The following FAM174A variants were observed in gnomAD, a reference collection of about 807,000 sequenced individuals.
The protein encoded by FAM174A is family with sequence similarity 174 member A, also known as membrane protein FAM174A.
Under a neutral mutation model 14.3 loss-of-function variants are expected in FAM174A, and 14 were observed. That is an observed-to-expected ratio of 0.98 (90% CI 0.65 to 1.53). FAM174A has a LOEUF of 1.53. FAM174A is among the 40% of genes most tolerant of loss of function. The pLI is 0.00. For missense variants in FAM174A, 241 were observed against 249.6 expected, an observed-to-expected ratio of 0.97 and a Z score of 0.23; for synonymous variants, 108 against 111.4, an observed-to-expected ratio of 0.97 and a Z score of 0.19.
intron 2 of FAM174A, among the ~76,000 whole-genome samples, chr5:100,566,141 G>GATATATATATATATATATATATATAT (rs60895683): frequency 1.2e-5 from 1 of 81,810 alleles, no homozygotes; most frequent in African/African-American, 4.1e-5. Context: ...TGAAAAGTAT[G>GATATATATATATATATATATATATAT]ATATATATAT....
intron 2 of FAM174A, among the ~76,000 whole-genome samples, chr5:100,571,881 A>G (rs1013594766): frequency 6.6e-6 from 1 of 151,840 alleles, no homozygotes; most frequent in Admixed American, 6.6e-5. Flanking sequence ...TCTGATGGCT[A>G]TAGTTACATG....
At chr5:100,571,778 T>G (rs1746786683) in intron 2 of FAM174A, among the ~76,000 whole-genome samples, 1 of 151,262 alleles carries the variant, frequency 6.6e-6, no homozygotes, top group Non-Finnish European at 1.5e-5. Context: ...CTGTTGTTAT[T>G]GTGATCAGTA....
rs1447517180 is a variant in FAM174A at position 100,535,965 on chromosome 5, G to A, written c.434+1G>A. The A allele has an allele frequency of 6.4e-7, 1 of 1,568,830 alleles. No individual in the cohort carries two copies. The highest frequency in any genetic ancestry group is 1.3e-5 in the African/African-American group (1 of 74,082). On this transcript the variant is annotated splice_donor_variant, in intron 1 of 2. Coordinates refer to ENST00000312637, the MANE Select transcript of FAM174A (RefSeq NM_198507.3). LOFTEE classifies it high-confidence loss of function. ...TGTACTTCGTGGTCAGGACGGTCAGGTGAGGCAAAGCCTCGGTGGGGCACC... is the reference window on the plus strand; with the variant it reads ...TGTACTTCGTGGTCAGGACGGTCAGATGAGGCAAAGCCTCGGTGGGGCACC...
intron 2 of FAM174A, among the ~76,000 whole-genome samples, chr5:100,562,955 A>C (rs969617444): frequency 6.6e-6 from 1 of 151,878 alleles, no homozygotes; most frequent in Non-Finnish European, 1.5e-5. Context: ...TGGGTGAAGG[A>C]GAATTAGAGT....
intron 2 of FAM174A, among the ~76,000 whole-genome samples, chr5:100,566,297 A>T (rs1746651222): frequency 6.6e-6 from 1 of 150,476 alleles, no homozygotes; most frequent in Non-Finnish European, 1.5e-5. Context: ...TATTTGAAAC[A>T]ATCCAAACAT....
At chr5:100,585,992 T>C (rs1291970328) in intron 2 of FAM174A, among the ~76,000 whole-genome samples, 189 bp from the exon 3 acceptor site, 1 of 152,210 alleles carries the variant, frequency 6.6e-6, no homozygotes, top group East Asian at 1.9e-4. Context: ...GAATTTCTGT[T>C]TAATAGATAA....
At chr5:100,576,413 T>G (rs1580377904) in intron 2 of FAM174A, among the ~76,000 whole-genome samples, 1 of 152,114 alleles carries the variant, frequency 6.6e-6, no homozygotes. Flanking sequence ...TTCCTATAAT[T>G]GCAACCAGAT....
intron 2 of FAM174A, among the ~76,000 whole-genome samples, chr5:100,566,800 C>A (rs1746662071): frequency 6.6e-6 from 1 of 151,812 alleles, no homozygotes; most frequent in Non-Finnish European, 1.5e-5. Flanking sequence ...CAGTTGTAAT[C>A]TATGCTAATC....
At chr5:100,544,157 T>C (rs1228882290) in intron 1 of FAM174A, among the ~76,000 whole-genome samples, 2 of 152,054 alleles carry the variant, frequency 1.3e-5, no homozygotes, top group Non-Finnish European at 2.9e-5. Context: ...AATCCAGGGG[T>C]TGAGACCAGC....
intron 2 of FAM174A, among the ~76,000 whole-genome samples, chr5:100,570,224 AT>A (rs1159935149): frequency 1.3e-5 from 2 of 151,878 alleles, no homozygotes; most frequent in African/African-American, 4.8e-5. Context: ...AGGTGTGTTT[AT>A]TCCTATTACC....
chr5:100,583,195 A>T (rs1747054830), intron 2 of FAM174A, among the ~76,000 whole-genome samples: 1 of 152,134 alleles, frequency 6.6e-6, no homozygotes, highest in African/African-American at 2.4e-5. Context: ...GGCTGAAGAG[A>T]AGGAGGAAGG....
intron 2 of FAM174A, among the ~76,000 whole-genome samples, chr5:100,566,224 G>A (rs1248069054): frequency 3.7e-5 from 5 of 136,424 alleles, no homozygotes; most frequent in African/African-American, 8.1e-5. Flanking sequence ...ATATTATTCA[G>A]CCTTAAAAAA....
chr5:100,573,614 T>A (rs1193857403), intron 2 of FAM174A, among the ~76,000 whole-genome samples: 1 of 151,052 alleles, frequency 6.6e-6, no homozygotes, highest in Non-Finnish European at 1.5e-5. Context: ...TGCTCAAGGG[T>A]AGGAAGAATC....
At position 100,564,364 on chromosome 5, in the gene FAM174A, T is replaced by G. The variant is rs75182118; in HGVS notation, c.569+2176T>G. ...AAAAAAAATGGCATAACAAAACTTA[T>G]GGGATGCAGCAAAAGCATTGCTAGG... On this transcript the variant is annotated intron_variant, in intron 2 of 2. Coordinates refer to ENST00000312637, the MANE Select transcript of FAM174A (RefSeq NM_198507.3). 6.1e-3 allele frequency among the ~76,000 whole-genome samples: 931 copies of G among 151,540 alleles called. 7 individuals are homozygous for G. Among genetic ancestry groups the G allele is most frequent in the African/African-American group, 0.021 (880 of 41,418 alleles).
intron 1 of FAM174A, among the ~76,000 whole-genome samples, chr5:100,554,463 C>A (rs941927944): frequency 6.6e-6 from 1 of 151,656 alleles, no homozygotes; most frequent in Non-Finnish European, 1.5e-5. Flanking sequence ...ATTACAGGCG[C>A]ACACCACCAT....
intron 1 of FAM174A, among the ~76,000 whole-genome samples, chr5:100,543,526 C>A (rs1356815124): frequency 6.6e-6 from 1 of 152,148 alleles, no homozygotes; most frequent in East Asian, 1.9e-4. Flanking sequence ...TTGGGTAGCA[C>A]AATTCTATGG....
At chr5:100,571,629 A>G (rs1232043337) in intron 2 of FAM174A, among the ~76,000 whole-genome samples, 1 of 147,494 alleles carries the variant, frequency 6.8e-6, no homozygotes, top group Non-Finnish European at 1.5e-5. Context: ...ATATAAATAT[A>G]TATGTACTTC....
chr5:100,554,859 G>A (rs573459530), intron 1 of FAM174A, among the ~76,000 whole-genome samples: 11 of 151,912 alleles, frequency 7.2e-5, no homozygotes, highest in East Asian at 3.9e-4. Flanking sequence ...TGAATATGTC[G>A]CAGAGTGTGT....
intron 2 of FAM174A, among the ~76,000 whole-genome samples, chr5:100,584,252 C>T (rs577206575): frequency 1.3e-5 from 2 of 152,304 alleles, no homozygotes; most frequent in African/African-American, 4.8e-5. Flanking sequence ...AACTCTACTG[C>T]ATTTGCATGA....
Sources: gnomAD v4.1 joint callset for allele counts (sites outside exome capture counted in the v4.1 genomes callset) on GRCh38, gnomAD v4.1.1 for gene constraint, MANE v1.5 for transcripts, NCBI Gene and HGNC (gene_info 2026-07-23, HGNC 2026-07-21) for gene names.